Variants in NSMCE2 observed in about 807,000 individuals in gnomAD.
NSMCE2 encodes the protein E3 SUMO-protein ligase NSE2.
NSMCE2 carries 24 observed loss-of-function variants against 23.8 expected under a neutral mutation model. That is an observed-to-expected ratio of 1.01 (90% CI 0.73 to 1.42). The LOEUF is 1.42. Ranked by LOEUF, NSMCE2 falls within the 40% of genes most tolerant of loss-of-function variation. NSMCE2 has a pLI of 0.00. For missense variants in NSMCE2, 284 were observed against 296.5 expected, an observed-to-expected ratio of 0.96 and a Z score of 0.31; for synonymous variants, 92 against 94.1, an observed-to-expected ratio of 0.98 and a Z score of 0.13.
chr8:125,104,110 C>T (rs1818338333), intron 3 of NSMCE2, among the ~76,000 whole-genome samples: 1 of 151,958 alleles, frequency 6.6e-6, no homozygotes, highest in Non-Finnish European at 1.5e-5. Flanking sequence ...CCTGCCTCAG[C>T]CTTCGGAGTA....
At chr8:125,249,375 A>C (rs1263143061) in intron 5 of NSMCE2, among the ~76,000 whole-genome samples, 1 of 152,218 alleles carries the variant, frequency 6.6e-6, no homozygotes, top group East Asian at 1.9e-4. Flanking sequence ...CACAGCTGAC[A>C]GTCCATTTGG....
At chr8:125,252,419 C>T (rs895098456) in intron 5 of NSMCE2, among the ~76,000 whole-genome samples, 1 of 152,002 alleles carries the variant, frequency 6.6e-6, no homozygotes, top group Non-Finnish European at 1.5e-5. Context: ...CCCAGCTACT[C>T]GGGAGGCGAG....
chr8:125,186,136 G>A (rs1245563658), intron 5 of NSMCE2, among the ~76,000 whole-genome samples: 3 of 152,174 alleles, frequency 2.0e-5, no homozygotes, highest in Non-Finnish European at 4.4e-5. Context: ...AAAATCAAAA[G>A]GGGAGTAATA....
chr8:125,127,739 C>T (rs1427741829), intron 3 of NSMCE2, among the ~76,000 whole-genome samples: 1 of 151,862 alleles, frequency 6.6e-6, no homozygotes, highest in Non-Finnish European at 1.5e-5. Flanking sequence ...GTTGAGTATC[C>T]CTTATGTGAA....
chr8:125,099,898 A>G (rs1362373894), intron 1 of NSMCE2, among the ~76,000 whole-genome samples: 2 of 152,046 alleles, frequency 1.3e-5, no homozygotes, highest in African/African-American at 4.8e-5. Flanking sequence ...GTAATGGTGT[A>G]TTTGTTTGCT....
chr8:125,284,237 T>C (rs1277569302), intron 5 of NSMCE2, among the ~76,000 whole-genome samples: 1 of 151,492 alleles, frequency 6.6e-6, no homozygotes, highest in African/African-American at 2.4e-5. Context: ...TCTGCCACTT[T>C]GTTAAAAAAA....
In NSMCE2 at chr8:125,123,600, G is replaced by A. The variant is rs187602778; in HGVS notation, c.157+21113G>A. On this transcript the variant is annotated intron_variant, in intron 3 of 7. Transcript: ENST00000287437. The stretch of plus-strand genomic sequence containing the variant: ...AACCCACATGTGTACATGCGCACAC[G>A]CACACAAACACACACACACAAGTGT... 1.4e-3 allele frequency among the ~76,000 whole-genome samples: 217 copies of A among 152,290 alleles called. 1 individual carries two copies. The highest frequency in any genetic ancestry group is 5.0e-3 in the African/African-American group (208 of 41,574).
chr8:125,326,965 A>G lies in NSMCE2; in HGVS notation c.419-30254A>G, dbSNP rs559606603. 3.6e-3 allele frequency among the ~76,000 whole-genome samples: 529 copies of G among 148,410 alleles called. 3 individuals carry two copies. The highest frequency in any genetic ancestry group is 5.4e-3 in the Non-Finnish European group (366 of 67,196). On this transcript the variant is annotated intron_variant, in intron 5 of 7. Transcript: ENST00000287437. ...GAGCAAAACTCCATTTCAAAAAAAA[A>G]AAGAGAGAGAGAGAGGGCCAGGCGA... is the stretch of plus-strand genomic sequence containing the variant.
intron 3 of NSMCE2, among the ~76,000 whole-genome samples, chr8:125,142,409 C>T (rs993815784): frequency 4.6e-5 from 7 of 152,160 alleles, no homozygotes; most frequent in African/African-American, 1.7e-4. Flanking sequence ...ATTACATCGT[C>T]TCTCTTCTGT....
rs988085624 is a variant in NSMCE2, at chr8:125,102,466, T to C, written c.136T>C (p.Leu46=). The C allele has an allele frequency of 6.2e-7, 1 of 1,613,824 alleles. No individual in the cohort carries two copies. Among genetic ancestry groups the C allele is most frequent in the Non-Finnish European group, 8.5e-7 (1 of 1,179,852 alleles). ...TATGGACACAGCTTCTAGTGTTGCT[T>C]TGGATCTTGTGGAAAGTCAGAGTAA... The part of the protein sequence containing the change: ...SGMDTASSVA[L]DLVESQTEVS... Residue 46 remains leucine, a synonymous_variant, in exon 3 of 8, where the codon TTG becomes CTG. Transcript: ENST00000287437.
At chr8:125,188,371 G>A (rs555590873) in intron 5 of NSMCE2, among the ~76,000 whole-genome samples, 1 of 152,244 alleles carries the variant, frequency 6.6e-6, no homozygotes, top group East Asian at 1.9e-4. Flanking sequence ...CATAGCACAG[G>A]TCCTTGATGG....
intron 4 of NSMCE2, among the ~76,000 whole-genome samples, chr8:125,168,065 G>T (rs1421605155): frequency 2.6e-5 from 4 of 152,176 alleles, no homozygotes; most frequent in African/African-American, 9.7e-5. Context: ...TTCAAAACCT[G>T]TTGGAAGAAT....
intron 3 of NSMCE2, 91 bp from the exon 4 acceptor site, chr8:125,151,080 C>T (rs745750681): frequency 9.2e-6 from 5 of 545,614 alleles, no homozygotes; most frequent in Non-Finnish European, 1.7e-5. Context: ...ATTATTTAGA[C>T]CATTGACTGA....
chr8:125,194,073 T>G (rs1016461577), intron 5 of NSMCE2, among the ~76,000 whole-genome samples: 9 of 152,194 alleles, frequency 5.9e-5, no homozygotes, highest in African/African-American at 2.2e-4. Context: ...TAAGGCATAT[T>G]TTAGCTTACA....
chr8:125,165,713 GT>G (rs1216028629), intron 4 of NSMCE2, among the ~76,000 whole-genome samples: 1 of 152,118 alleles, frequency 6.6e-6, no homozygotes. Context: ...TCTAAGTGTG[GT>G]TTTTATTTTG....
At chr8:125,270,383 T>G (rs1366686238) in intron 5 of NSMCE2, among the ~76,000 whole-genome samples, 2 of 152,136 alleles carry the variant, frequency 1.3e-5, no homozygotes, top group Non-Finnish European at 2.9e-5. Context: ...GAGAATCACT[T>G]GAACCCAGGA....
At chr8:125,114,361 C>A (rs1166234587) in intron 3 of NSMCE2, among the ~76,000 whole-genome samples, 1 of 152,246 alleles carries the variant, frequency 6.6e-6, no homozygotes, top group East Asian at 1.9e-4. Context: ...ACACAGTAAG[C>A]ACTCAATAAA....
intron 5 of NSMCE2, among the ~76,000 whole-genome samples, chr8:125,227,838 A>G (rs1825166843): frequency 6.6e-6 from 1 of 152,146 alleles, no homozygotes; most frequent in Non-Finnish European, 1.5e-5. Flanking sequence ...TCTGTAAACT[A>G]TATATTCGCA....
chr8:125,115,740 A>T (rs1465835633), intron 3 of NSMCE2, among the ~76,000 whole-genome samples: 1 of 148,738 alleles, frequency 6.7e-6, no homozygotes, highest in East Asian at 1.9e-4. Context: ...AAAAAAAAAT[A>T]ATAATAAATA....
Sources: allele counts gnomAD v4.1 joint callset (sites outside exome capture counted in the v4.1 genomes callset), GRCh38; gene constraint gnomAD v4.1.1; transcripts MANE v1.5; gene names NCBI Gene and HGNC (gene_info 2026-07-23, HGNC 2026-07-21).